The following DNAH9 variants were observed in gnomAD, a reference collection of about 807,000 sequenced individuals.
The protein encoded by DNAH9 is dynein axonemal heavy chain 9.
DNAH9 carries 345 observed loss-of-function variants against 471.6 expected under a neutral mutation model. The observed-to-expected ratio is 0.73, with a 90% CI of 0.67 to 0.80. The LOEUF is 0.80. Ranked by LOEUF, DNAH9 falls within the 30% of genes least tolerant of loss-of-function variation. DNAH9 has a pLI of 0.00. For synonymous variants in DNAH9, 2,093 were observed against 2,123.6 expected, an observed-to-expected ratio of 0.99 and a Z score of 0.40; for missense variants, 5,407 against 5,609.2, an observed-to-expected ratio of 0.96 and a Z score of 1.15.
At chr17:11,926,649 G>A (rs916317366) in intron 62 of DNAH9, among the ~76,000 whole-genome samples, 1 of 152,062 alleles carries the variant, frequency 6.6e-6, no homozygotes, top group African/African-American at 2.4e-5. Flanking sequence ...TCTTTATCTA[G>A]TCTATCATTG....
intron 51 of DNAH9, among the ~76,000 whole-genome samples, chr17:11,869,709 T>C (rs574590786): frequency 1.6e-3 from 239 of 152,288 alleles, no homozygotes; most frequent in Middle Eastern, 3.4e-3. Context: ...GACACACATA[T>C]ACACACATGC....
intron 6 of DNAH9, among the ~76,000 whole-genome samples, chr17:11,627,941 C>T (rs907370858): frequency 3.3e-5 from 5 of 152,290 alleles, no homozygotes; most frequent in South Asian, 2.1e-4. Context: ...CTGTGCCAGC[C>T]TGATGGGTCA....
At chr17:11,684,406 T>G (rs2074198752) in intron 19 of DNAH9, among the ~76,000 whole-genome samples, 1 of 152,074 alleles carries the variant, frequency 6.6e-6, no homozygotes, top group Non-Finnish European at 1.5e-5. Flanking sequence ...AGAGCCGAGC[T>G]CTCACCACAG....
chr17:11,877,333 C>T (rs564054104), intron 53 of DNAH9, among the ~76,000 whole-genome samples: 12 of 151,034 alleles, frequency 7.9e-5, no homozygotes, highest in Non-Finnish European at 1.3e-4. Flanking sequence ...ATTAGCTGGG[C>T]GTGGTAGCAG....
chr17:11,611,245 T>A (rs1003171261), intron 3 of DNAH9, among the ~76,000 whole-genome samples: 3 of 152,234 alleles, frequency 2.0e-5, no homozygotes, highest in African/African-American at 7.2e-5. Flanking sequence ...CAGCCTTTTG[T>A]CTGTACCACC....
intron 1 of DNAH9, among the ~76,000 whole-genome samples, chr17:11,600,047 G>A (rs548333315): frequency 2.1e-4 from 32 of 152,278 alleles, no homozygotes; most frequent in Admixed American, 3.9e-4. Context: ...GAGGCTGTGG[G>A]GAGGTGAAAA....
At chr17:11,897,494 T>C (rs746885884) in intron 59 of DNAH9, among the ~76,000 whole-genome samples, 26 of 152,336 alleles carry the variant, frequency 1.7e-4, no homozygotes, top group Middle Eastern at 3.4e-3. Context: ...GGCCACCTCA[T>C]AGGACAGTAT....
At chr17:11,660,985 C>T (rs970354141) in intron 14 of DNAH9, among the ~76,000 whole-genome samples, 1 of 151,704 alleles carries the variant, frequency 6.6e-6, no homozygotes, top group Non-Finnish European at 1.5e-5. Context: ...TCTCCACTTA[C>T]AATTTTGGAT....
Position 11,617,503 on chromosome 17 carries a change from C to T in DNAH9, c.997C>T (p.Pro333Ser), listed in dbSNP as rs767318637. Residue 333 changes from proline to serine, a missense_variant, in exon 5 of 69, where the codon CCC becomes TCC. This residue lies in a region of DNAH9 where 767 missense variants were observed against 692.5 expected (regional missense o/e 1.11). Coordinates refer to ENST00000262442, the MANE Select transcript of DNAH9 (RefSeq NM_001372.4). ...LENAEFPEVK[P>S]QLRPLLHVVC... ...GAATGCAGAATTTCCGGAGGTGAAG[C>T]CCCAGCTGCGGCCCCTGCTCCACGT... 5 of 1,614,006 alleles carry T rather than the reference C, an allele frequency of 3.1e-6. No individual in the cohort carries two copies. In the African/African-American group the frequency reaches 5.3e-5, roughly 17 times the overall value.
chr17:11,635,257 TC>T (rs746107089), intron 8 of DNAH9, among the ~76,000 whole-genome samples: 2 of 151,830 alleles, frequency 1.3e-5, no homozygotes, highest in Non-Finnish European at 2.9e-5. Context: ...ACCTATGCCT[TC>T]TGGGTTCAAG....
chr17:11,742,430 G>T, intron 30 of DNAH9, 117 bp downstream of exon 30: 1 of 1,020,534 alleles, frequency 9.8e-7, no homozygotes, highest in Non-Finnish European at 1.4e-6. Flanking sequence ...GAAAGTCACT[G>T]TACCCATAAG....
At chr17:11,793,441 C>G (rs1427311476) in intron 41 of DNAH9, 62 bp from the exon 42 acceptor site, 2 of 1,506,290 alleles carry the variant, frequency 1.3e-6, no homozygotes, top group East Asian at 2.3e-5. Context: ...AGGAAGTTTT[C>G]CTAGCTATTG....
chr17:11,676,126 C>T (rs754665519), intron 17 of DNAH9, among the ~76,000 whole-genome samples: 1 of 151,920 alleles, frequency 6.6e-6, no homozygotes, highest in Admixed American at 6.6e-5. Context: ...GTTTTCTATT[C>T]CTTCGTAAGT....
At chr17:11,641,963 G>GT (rs1399138128) in intron 10 of DNAH9, among the ~76,000 whole-genome samples, 2 of 152,008 alleles carry the variant, frequency 1.3e-5, no homozygotes, top group African/African-American at 2.4e-5. Context: ...TTCTGCCTCC[G>GT]TACCCCTACA....
chr17:11,738,612 C>G (rs2075387130), intron 28 of DNAH9, among the ~76,000 whole-genome samples: 1 of 152,130 alleles, frequency 6.6e-6, no homozygotes, highest in Non-Finnish European at 1.5e-5. Context: ...AACTCTTGAC[C>G]TCGAGTGATC....
chr17:11,707,827 C>G (rs1436399587), intron 26 of DNAH9, among the ~76,000 whole-genome samples: 2 of 152,092 alleles, frequency 1.3e-5, no homozygotes, highest in Non-Finnish European at 2.9e-5. Flanking sequence ...CACCTGCACA[C>G]ACATGCTTTC....
intron 28 of DNAH9, among the ~76,000 whole-genome samples, chr17:11,733,576 G>A (rs1232067300): frequency 6.6e-6 from 1 of 152,188 alleles, no homozygotes; most frequent in Non-Finnish European, 1.5e-5. Flanking sequence ...CCCTAGCCAG[G>A]TGCGGTGGCT....
At chr17:11,946,234 G>A (rs759002053) in intron 67 of DNAH9, among the ~76,000 whole-genome samples, 165 of 142,696 alleles carry the variant, frequency 1.2e-3, no homozygotes, top group Non-Finnish European at 2.0e-3. Context: ...AGCCAGATTA[G>A]ATCCCCAGTC....
intron 28 of DNAH9, among the ~76,000 whole-genome samples, chr17:11,738,183 C>A (rs752397448): frequency 1.3e-5 from 2 of 152,136 alleles, no homozygotes; most frequent in Non-Finnish European, 2.9e-5. Flanking sequence ...TGAAGTGCCC[C>A]CCTCCAAGCA....
Sources: gnomAD v4.1 joint callset for allele counts (sites outside exome capture counted in the v4.1 genomes callset) on GRCh38, gnomAD v4.1.1 for gene constraint, gnomAD v4.1.1 regional missense constraint, MANE v1.5 for transcripts, NCBI Gene and HGNC (gene_info 2026-07-23, HGNC 2026-07-21) for gene names.